Variants in GLI2 observed in about 807,000 individuals in gnomAD.
The protein encoded by GLI2 is transcription activator GLI2.
GLI2 carries 22 observed loss-of-function variants against 78.9 expected under a neutral mutation model. The observed-to-expected ratio is 0.28, with a 90% confidence interval of 0.20 to 0.40. The LOEUF is 0.40. Ranked by LOEUF, GLI2 falls within the 10% of genes least tolerant of loss-of-function variation. The pLI, the probability that GLI2 is intolerant of heterozygous loss-of-function variation, is 1.00. For synonymous variants in GLI2, 974 were observed against 963.7 expected (o/e 1.01, Z -0.20); for missense variants, 2,097 against 2,213.2 (o/e 0.95, Z 1.05).
chr2:120,873,960 A>G (rs562332086), intron 2 of GLI2, among the ~76,000 whole-genome samples: 1 of 152,110 alleles, frequency 6.6e-6, no homozygotes, highest in Non-Finnish European at 1.5e-5. Context: ...CCAGATCCCC[A>G]TGTCGGGAAC....
chr2:120,911,354 CA>C (rs1678809317), intron 2 of GLI2, among the ~76,000 whole-genome samples: 1 of 152,174 alleles, frequency 6.6e-6, no homozygotes, highest in East Asian at 1.9e-4. Flanking sequence ...TTAACAAATG[CA>C]ACATGCTCAG....
chr2:120,913,912 CAA>C (rs564940373), intron 2 of GLI2, among the ~76,000 whole-genome samples: 1 of 152,362 alleles, frequency 6.6e-6, no homozygotes, highest in South Asian at 2.1e-4. Context: ...ACTGTCGTCT[CAA>C]GAGCTATGGC....
At chr2:120,868,223 C>T (rs566024488) in intron 2 of GLI2, among the ~76,000 whole-genome samples, 11 of 152,262 alleles carry the variant, frequency 7.2e-5, no homozygotes, top group South Asian at 6.2e-4. Flanking sequence ...TCCCAGCTCA[C>T]GGTTACTTAG....
At chr2:120,842,077 A>AAC (rs1491164037) in intron 2 of GLI2, among the ~76,000 whole-genome samples, 4 of 146,764 alleles carry the variant, frequency 2.7e-5, no homozygotes, top group African/African-American at 1.0e-4. Context: ...AAAAAAAAAA[A>AAC]CAGACTTCTT....
At chr2:120,825,699 C>T (rs1340318945) in intron 2 of GLI2, among the ~76,000 whole-genome samples, 2 of 152,226 alleles carry the variant, frequency 1.3e-5, no homozygotes, top group Non-Finnish European at 2.9e-5. Flanking sequence ...CTGTCCTTTG[C>T]CTGCTCCTTC....
chr2:120,881,198 A>T (rs1435348954), intron 2 of GLI2, among the ~76,000 whole-genome samples: 2 of 152,048 alleles, frequency 1.3e-5, no homozygotes, highest in African/African-American at 4.8e-5. Flanking sequence ...TCTGAATCCT[A>T]CTCCAAATAC....
chr2:120,978,581 A>C lies in GLI2; in HGVS notation c.1465A>C (p.Thr489Pro). ...CACGGGCGAGAAGCCCCACAAGTGC[A>C]CGGTGAGTGGCCTTCTCCCCACCCC... ...RHTGEKPHKC[T>P]FEGCSKAYSR... The change falls in exon 10 of 14, where the codon ACG becomes CCG. Residue 489 changes from threonine to proline, a missense_variant and splice_region_variant. By Grantham distance (38) the Thr-to-Pro change is conservative. This residue lies in a region of GLI2 where 104 missense variants were observed against 190.6 expected (regional missense o/e 0.55). Transcript: ENST00000361492. 1 of 1,613,552 alleles carries C rather than the reference A, an allele frequency of 6.2e-7. No homozygotes were observed. Among genetic ancestry groups the C allele is most frequent in the East Asian group, 2.2e-5 (1 of 44,872 alleles).
chr2:120,847,693 C>T (rs749937954), intron 2 of GLI2, among the ~76,000 whole-genome samples: 17 of 150,986 alleles, frequency 1.1e-4, no homozygotes, highest in Non-Finnish European at 2.2e-4. Context: ...CTGCCACTGG[C>T]CTCCCAGAGT....
intron 2 of GLI2, among the ~76,000 whole-genome samples, chr2:120,916,979 C>T (rs115137554): frequency 0.011 from 1,665 of 152,200 alleles, 26 homozygotes; most frequent in African/African-American, 0.037. Flanking sequence ...TACAACTTCC[C>T]TGGGGATTGG....
rs1380038093 is a variant in GLI2 at position 120,951,427 on chromosome 2, G to T, written c.439G>T (p.Gly147Cys). 1 of 1,612,226 alleles carries T rather than the reference G, an allele frequency of 6.2e-7. No homozygotes were observed. Among genetic ancestry groups the T allele is most frequent in the South Asian group, 1.1e-5 (1 of 90,996 alleles). Residue 147 changes from glycine to cysteine, a missense_variant, in exon 4 of 14, where the codon GGC becomes TGC. Around this residue, in one of 5 missense-constraint regions of GLI2, gnomAD observed 578 missense variants for 612.0 expected, o/e 0.94. Coordinates refer to ENST00000361492, the MANE Select transcript of GLI2 (RefSeq NM_001374353.1). ...GCTCTCCATGATCTCTGCAGCCAGG[G>T]GCCTCAGCCCCGCTGATGGTGAGTA... is the stretch of plus-strand genomic sequence containing the variant. ...PTLSMISAAR[G>C]LSPADVAQEH...
At position 120,800,509 on chromosome 2, in the gene GLI2, AT is replaced by A. The variant is rs1302817172; in HGVS notation, c.148+3044del. ...TATTATTATTTTATTTTTTATTTTTATTTATTTATTTTTTTGAGACAGTCTT... is the reference window on the plus strand; with the variant it reads ...TATTATTATTTTATTTTTTATTTTTATTATTTATTTTTTTGAGACAGTCTT... On this transcript the variant is annotated intron_variant, in intron 2 of 13. Coordinates refer to ENST00000361492, the MANE Select transcript of GLI2 (RefSeq NM_001374353.1). This position sits in a 1 kb window ranked among gnomAD's most constrained non-coding sequence, Gnocchi z 4.1. Among the ~76,000 whole-genome samples, 5 of 146,464 alleles carry A rather than the reference AT, an allele frequency of 3.4e-5. No individual in the cohort carries two copies. The highest frequency in any genetic ancestry group is 1.3e-4 in the African/African-American group (5 of 39,348).
chr2:120,812,081 A>T (rs1685271932), intron 2 of GLI2, among the ~76,000 whole-genome samples: 1 of 152,186 alleles, frequency 6.6e-6, no homozygotes, highest in African/African-American at 2.4e-5. Flanking sequence ...CGGCGGCCTC[A>T]GCCTTCCTTG....
chr2:120,778,845 T>C (rs1198615550), intron 1 of GLI2, among the ~76,000 whole-genome samples: 1 of 152,206 alleles, frequency 6.6e-6, no homozygotes, highest in Non-Finnish European at 1.5e-5. Flanking sequence ...TGCTTCCGGC[T>C]TTGCCAGTGG....
chr2:120,880,534 G>A (rs556730850), intron 2 of GLI2, among the ~76,000 whole-genome samples: 2 of 152,140 alleles, frequency 1.3e-5, no homozygotes, highest in Admixed American at 6.5e-5. Context: ...GGCTCTGCCC[G>A]CAGGAGGGGA....
At chr2:120,814,254 G>A (rs1173898689) in intron 2 of GLI2, among the ~76,000 whole-genome samples, 1 of 152,210 alleles carries the variant, frequency 6.6e-6, no homozygotes, top group East Asian at 1.9e-4. Context: ...AGGGCACCGG[G>A]ATTTGAGTGG....
chr2:120,990,783 G>A lies in GLI2; in HGVS notation c.*108G>A. 1.1e-6 allele frequency: 1 copy of A among 915,516 alleles called. No homozygotes were observed. Among genetic ancestry groups the A allele is most frequent in the South Asian group, 1.6e-5 (1 of 61,202 alleles). The allele number at this position is 915,516 out of a possible 1,614,324, so 56.7% of individuals were successfully genotyped here. On this transcript the variant is annotated 3_prime_UTR_variant, in exon 14 of 14. Coordinates refer to ENST00000361492, the MANE Select transcript of GLI2 (RefSeq NM_001374353.1). ...CCAAAAAAGTGTTAAATAGGCTTGA[G>A]GGGTTGTTGCGCAATGGCCGCTTCA...
At chr2:120,833,693 A>G (rs12620704) in intron 2 of GLI2, among the ~76,000 whole-genome samples, 30,809 of 152,082 alleles carry the variant, frequency 0.2, 3,208 homozygotes, top group Middle Eastern at 0.29. Context: ...AGCTCCTGCC[A>G]CGCTTCTGGT....
At chr2:120,867,567 T>C (rs1484035026) in intron 2 of GLI2, among the ~76,000 whole-genome samples, 2 of 152,136 alleles carry the variant, frequency 1.3e-5, no homozygotes, top group Admixed American at 6.5e-5. Flanking sequence ...CCCCTCTGGG[T>C]GCTGCGTCCC....
chr2:120,982,883 AC>A lies in GLI2; in HGVS notation c.1632+5del. On this transcript the variant is annotated splice_donor_region_variant and intron_variant, in intron 11 of 13. Coordinates refer to ENST00000361492, the MANE Select transcript of GLI2 (RefSeq NM_001374353.1). ...AGAATCGCACCCACTCCAACGAGGT[AC>A]CTCTGCGGGGCATGCACTGGGCATG... The A allele has an allele frequency of 6.2e-7, 1 of 1,613,532 alleles. No homozygotes were observed. The highest frequency in any genetic ancestry group is 8.5e-7 in the Non-Finnish European group (1 of 1,179,714).
Sources: gnomAD v4.1 joint callset for allele counts (sites outside exome capture counted in the v4.1 genomes callset) on GRCh38, gnomAD v4.1.1 for gene constraint, gnomAD v4.1.1 regional missense constraint, Gnocchi (gnomAD v3.1) non-coding constraint, MANE v1.5 for transcripts, NCBI Gene and HGNC (gene_info 2026-07-23, HGNC 2026-07-21) for gene names.